TEX9: variants seen among roughly 807,000 people sequenced by gnomAD.
TEX9 encodes testis-expressed protein 9.
A neutral mutation model predicts 59.6 loss-of-function variants in TEX9; 74 were observed. The ratio of observed to expected loss-of-function variants is 1.24; its 90% CI spans 1.03 to 1.51. The LOEUF is 1.51. Ranked by LOEUF, TEX9 falls within the 40% of genes most tolerant of loss-of-function variation. The probability of loss-of-function intolerance (pLI) is 0.00; values close to 1 mark genes in which losing one functional copy is unlikely to be tolerated. For missense variants in TEX9, 522 were observed against 447.8 expected (o/e 1.17, Z -1.49); for synonymous variants, 186 against 152.2 (o/e 1.22, Z -1.64).
chr15:56,442,899 A>C (rs1302715889), intron 12 of TEX9, among the ~76,000 whole-genome samples: 1 of 151,852 alleles, frequency 6.6e-6, no homozygotes, highest in East Asian at 1.9e-4. Context: ...TAAAAGTTGG[A>C]AAGAGAAAAA....
intron 9 of TEX9, among the ~76,000 whole-genome samples, chr15:56,411,547 C>T (rs191511911): frequency 6.6e-6 from 1 of 151,962 alleles, no homozygotes; most frequent in African/African-American, 2.4e-5. Flanking sequence ...GAGATCAGGG[C>T]AGGAGGAAGA....
At chr15:56,313,737 C>T (rs1430658932) in intron 1 of TEX9, among the ~76,000 whole-genome samples, 1 of 139,122 alleles carries the variant, frequency 7.2e-6, no homozygotes, top group African/African-American at 2.6e-5. Context: ...CCAGTTCCTC[C>T]TTGTACCTCT....
At chr15:56,382,172 A>G (rs1241415455) in intron 3 of TEX9, among the ~76,000 whole-genome samples, 1 of 152,120 alleles carries the variant, frequency 6.6e-6, no homozygotes, top group Non-Finnish European at 1.5e-5. Flanking sequence ...CTGCCAGGCC[A>G]CTGCTAGTGT....
At chr15:56,262,248 C>T (rs912984434) in intron 1 of TEX9, among the ~76,000 whole-genome samples, 1 of 152,196 alleles carries the variant, frequency 6.6e-6, no homozygotes, top group Non-Finnish European at 1.5e-5. Context: ...ACACAACAGG[C>T]AAATGAGGAA....
intron 5 of TEX9, 33 bp downstream of exon 5, chr15:56,388,553 T>C (rs372087047): frequency 2.5e-5 from 39 of 1,572,110 alleles, no homozygotes; most frequent in Non-Finnish European, 3.4e-5. Context: ...AATGCAATTA[T>C]ATTCTGTAGA....
chr15:56,316,530 G>A (rs1231893358), intron 1 of TEX9, among the ~76,000 whole-genome samples: 1 of 150,912 alleles, frequency 6.6e-6, no homozygotes, highest in Non-Finnish European at 1.5e-5. Context: ...GCTGCGTGCT[G>A]GGAGAACCAC....
intron 2 of TEX9, 108 bp from the exon 3 acceptor site, chr15:56,373,333 A>T: frequency 1.1e-6 from 1 of 930,096 alleles, no homozygotes; most frequent in Non-Finnish European, 1.6e-6. Context: ...TGCCATATGT[A>T]TATTTTGGCA....
At chr15:56,264,092 G>A (rs2044326813) in intron 1 of TEX9, among the ~76,000 whole-genome samples, 1 of 152,130 alleles carries the variant, frequency 6.6e-6, no homozygotes, top group Non-Finnish European at 1.5e-5. Context: ...TTTTTCTTGT[G>A]TAAATACCTA....
At chr15:56,438,706 C>T (rs1318131832) in intron 12 of TEX9, among the ~76,000 whole-genome samples, 2 of 152,110 alleles carry the variant, frequency 1.3e-5, no homozygotes, top group East Asian at 1.9e-4. Context: ...AGTGAACAGC[C>T]AACCTACAGA....
At chr15:56,366,477 T>A (rs2046950385) in intron 2 of TEX9, among the ~76,000 whole-genome samples, 1 of 152,198 alleles carries the variant, frequency 6.6e-6, no homozygotes, top group South Asian at 2.1e-4. Flanking sequence ...GTGAGTGGCC[T>A]TCCTTGACCA....
rs1163139822 is a variant in TEX9 at position 56,394,713 on chromosome 15, TTA to T, written c.709_710del (p.Met237GlufsTer7). The T allele has an allele frequency of 5.0e-6, 8 of 1,610,314 alleles. No homozygotes were observed. The highest frequency in any genetic ancestry group is 6.8e-6 in the Non-Finnish European group (8 of 1,178,594). The stretch of plus-strand genomic sequence containing the variant: ...CAAGTAAAAAATTTTGAAGAAGATT[TTA>T]TGAGACAGCAGCGAACAATTAATAT... On this transcript the variant is annotated frameshift_variant, in exon 9 of 13. Coordinates refer to ENST00000352903, the Ensembl canonical transcript of TEX9. LOFTEE classifies it high-confidence loss of function.
chr15:56,352,518 G>T (rs2141881957), intron 1 of TEX9, among the ~76,000 whole-genome samples: 1 of 152,056 alleles, frequency 6.6e-6, no homozygotes. Context: ...CTCCCTAAGT[G>T]TTGGGATTAC....
At chr15:56,266,180 G>A (rs536669180) in intron 1 of TEX9, among the ~76,000 whole-genome samples, 15 of 151,712 alleles carry the variant, frequency 9.9e-5, no homozygotes, top group Non-Finnish European at 2.2e-4. Context: ...AGGCTGGAGT[G>A]CAGTGGTGCA....
intron 1 of TEX9, among the ~76,000 whole-genome samples, chr15:56,278,177 A>C (rs1438805098): frequency 6.6e-6 from 1 of 152,196 alleles, no homozygotes; most frequent in Admixed American, 6.5e-5. Context: ...GATAAACATT[A>C]ATATCTATAG....
intron 1 of TEX9, among the ~76,000 whole-genome samples, chr15:56,306,917 A>G (rs1224004623): frequency 6.6e-6 from 1 of 152,290 alleles, no homozygotes; most frequent in Non-Finnish European, 1.5e-5. Context: ...AGAAACTTAT[A>G]CCGGCCATTA....
intron 7 of TEX9, 37 bp downstream of exon 7, chr15:56,391,455 GCA>G: frequency 7.5e-7 from 1 of 1,331,820 alleles, no homozygotes; most frequent in Non-Finnish European, 1.0e-6. Flanking sequence ...TATCTTTATA[GCA>G]CAGTTACTTA....
At chr15:56,339,567 G>T (rs1305704474) in intron 1 of TEX9, among the ~76,000 whole-genome samples, 2 of 152,016 alleles carry the variant, frequency 1.3e-5, no homozygotes, top group Non-Finnish European at 2.9e-5. Context: ...CAGGGGCTGT[G>T]TTAGTCTGCT....
intron 1 of TEX9, among the ~76,000 whole-genome samples, chr15:56,280,659 A>G (rs1341564838): frequency 6.6e-6 from 1 of 152,240 alleles, no homozygotes; most frequent in African/African-American, 2.4e-5. Context: ...TAACTGTAAT[A>G]ATGTTTTTAA....
At chr15:56,381,856 T>G (rs1276026609) in intron 3 of TEX9, among the ~76,000 whole-genome samples, 1 of 152,190 alleles carries the variant, frequency 6.6e-6, no homozygotes, top group Non-Finnish European at 1.5e-5. Context: ...AAACACTACC[T>G]GGCTACCACC....
Sources: allele counts gnomAD v4.1 joint callset (sites outside exome capture counted in the v4.1 genomes callset), GRCh38; gene constraint gnomAD v4.1.1; transcripts MANE v1.5; gene names NCBI Gene and HGNC (gene_info 2026-07-23, HGNC 2026-07-21).